The following CEPT1 variants were observed in gnomAD, a reference collection of about 807,000 sequenced individuals.
CEPT1 encodes choline/ethanolaminephosphotransferase 1.
A neutral mutation model predicts 42.6 loss-of-function variants in CEPT1; 7 were observed. The observed-to-expected ratio is 0.16, with a 90% CI of 0.09 to 0.31. The LOEUF is 0.31. Ranked by LOEUF, CEPT1 falls within the 10% of genes least tolerant of loss-of-function variation. CEPT1 has a pLI of 1.00. For synonymous variants in CEPT1, 171 were observed against 171.9 expected (o/e 0.99, Z 0.04); for missense variants, 306 against 502.1 (o/e 0.61, Z 3.73).
chr1:111,158,977 A>G (rs866961040), intron 2 of CEPT1, among the ~76,000 whole-genome samples: 80 of 123,912 alleles, frequency 6.5e-4, no homozygotes, highest in African/African-American at 1.7e-3. Flanking sequence ...GCAGTGGCGC[A>G]ATCTCGGCTC....
intron 1 of CEPT1, among the ~76,000 whole-genome samples, chr1:111,145,395 C>T (rs1247577083): frequency 6.6e-6 from 1 of 152,298 alleles, no homozygotes; most frequent in East Asian, 1.9e-4. Context: ...TATTTAAGGG[C>T]ATTAACTTGA....
At position 111,183,383 on chromosome 1, in the gene CEPT1, C is replaced by T; in HGVS notation, c.1006-79C>T. The T allele has an allele frequency of 2.0e-6, 3 of 1,474,026 alleles. No individual in the cohort carries two copies. In the African/African-American group the frequency reaches 4.2e-5, roughly 21 times the overall value. 91.3% of individuals were successfully genotyped at this position (1,474,026 alleles called of 1,614,324 possible). On this transcript the variant is annotated intron_variant, in intron 7 of 8. Coordinates refer to ENST00000357172, the MANE Select transcript of CEPT1 (RefSeq NM_006090.5). ...CTAAATAATTATTGGAAGTTGATAT[C>T]TGAGCACAATATGATTTACTGTGTA... is the stretch of plus-strand genomic sequence containing the variant.
intron 2 of CEPT1, among the ~76,000 whole-genome samples, chr1:111,153,299 C>G (rs1655386328): frequency 6.6e-6 from 1 of 152,158 alleles, no homozygotes; most frequent in African/African-American, 2.4e-5. Context: ...ACCTCCGCCT[C>G]CCAGGTTCAA....
chr1:111,147,982 A>G lies in CEPT1; in HGVS notation c.268A>G (p.Ile90Val), dbSNP rs750038817. 7.4e-6 allele frequency: 12 copies of G among 1,614,056 alleles called. No homozygotes were observed. The highest frequency in any genetic ancestry group is 8.5e-6 in the Non-Finnish European group (10 of 1,180,018). The change falls in exon 2 of 9, where the codon ATC (isoleucine) becomes GTC (valine). Residue 90 changes from isoleucine to valine, a missense_variant. Transcript: ENST00000357172. ...CTGGATTGCCCCAAATCTCATCACC[A>G]TCATTGGACTGTCAATAAACATCTG... is the stretch of plus-strand genomic sequence containing the variant. The part of the protein sequence containing the change: ...PSWIAPNLIT[I>V]IGLSINICTT...
chr1:111,144,852 A>G (rs1202491368), intron 1 of CEPT1, among the ~76,000 whole-genome samples: 1 of 152,192 alleles, frequency 6.6e-6, no homozygotes, highest in Non-Finnish European at 1.5e-5. Flanking sequence ...ATTCGTGGTT[A>G]TTGGTCTCTC....
chr1:111,177,868 T>C (rs759246685), intron 5 of CEPT1, among the ~76,000 whole-genome samples: 2 of 152,196 alleles, frequency 1.3e-5, no homozygotes, highest in African/African-American at 2.4e-5. Flanking sequence ...CTTCATCCTA[T>C]TGTTAGCACT....
At position 111,160,969 on chromosome 1, in the gene CEPT1, A is replaced by G. The variant is rs181815696; in HGVS notation, c.488-186A>G. 1,724 of 615,598 alleles carry G rather than the reference A, an allele frequency of 2.8e-3. 14 individuals carry two copies. The highest frequency in any genetic ancestry group is 0.016 in the African/African-American group (845 of 52,934). The allele number at this position is 615,598 out of a possible 1,614,324, so 38.1% of individuals were successfully genotyped here. A position where few individuals can be genotyped will look rare whatever the true frequency, so the allele number is the denominator to read the frequency against. ...GTGATTTGGTAAAAAAAAAAAAAAA[A>G]AGAGAGATTGAAATTATGGGGTAAG... On this transcript the variant is annotated intron_variant, in intron 3 of 8. Coordinates refer to ENST00000357172, the MANE Select transcript of CEPT1 (RefSeq NM_006090.5).
intron 5 of CEPT1, among the ~76,000 whole-genome samples, chr1:111,176,390 C>T (rs1571152931): frequency 2.6e-5 from 4 of 152,190 alleles, no homozygotes; most frequent in Admixed American, 2.6e-4. Context: ...AGCTTACCCC[C>T]ATTCCTAAAG....
intron 4 of CEPT1, chr1:111,167,008 C>A: frequency 2.5e-6 from 1 of 402,078 alleles, no homozygotes; most frequent in Non-Finnish European, 3.4e-6. Context: ...AAGAAGAATG[C>A]TACTTTTTAA....
intron 5 of CEPT1, chr1:111,178,441 ATTG>A (rs889435453): frequency 6.7e-6 from 1 of 150,136 alleles, no homozygotes; most frequent in Non-Finnish European, 1.5e-5. Context: ...GATTATAGTT[ATTG>A]TTGTTGTTGT....
At chr1:111,146,636 T>C (rs1005745167) in intron 1 of CEPT1, among the ~76,000 whole-genome samples, 2 of 152,202 alleles carry the variant, frequency 1.3e-5, no homozygotes, top group African/African-American at 4.8e-5. Flanking sequence ...AATTGTTCTA[T>C]TTTCTCCATT....
Position 111,161,146 on chromosome 1 carries a change from C to A in CEPT1, c.488-9C>A. ...TTATTTGGTTTTCATCGTGATCTTT[C>A]TTCTGCAGTTTTTGTGGTTCTTGGA... On this transcript the variant is annotated splice_polypyrimidine_tract_variant and intron_variant, in intron 3 of 8. Transcript: ENST00000357172. The A allele has an allele frequency of 6.2e-7, 1 of 1,613,870 alleles. No individual in the cohort carries two copies. Among genetic ancestry groups the A allele is most frequent in the Non-Finnish European group, 8.5e-7 (1 of 1,179,888 alleles).
intron 1 of CEPT1, 175 bp downstream of exon 1, chr1:111,140,482 G>T (rs2101189002): frequency 6.5e-6 from 1 of 152,696 alleles, no homozygotes; most frequent in African/African-American, 2.4e-5. Flanking sequence ...GCGCGGGGTT[G>T]TGGGGAGGCG....
At chr1:111,141,160 TAAAG>T (rs1654516727) in intron 1 of CEPT1, among the ~76,000 whole-genome samples, 7 of 152,214 alleles carry the variant, frequency 4.6e-5, no homozygotes, top group African/African-American at 1.4e-4. Context: ...GGACAAAGAA[TAAAG>T]ATTTATTTCC....
At chr1:111,159,210 C>T (rs1027256466) in intron 2 of CEPT1, among the ~76,000 whole-genome samples, 170 bp from the exon 3 acceptor site, 4 of 150,122 alleles carry the variant, frequency 2.7e-5, no homozygotes, top group East Asian at 1.9e-4. Flanking sequence ...CCACCGCGCC[C>T]GGCATTCTTT....
At chr1:111,175,469 T>A (rs1656628318) in intron 5 of CEPT1, among the ~76,000 whole-genome samples, 1 of 152,200 alleles carries the variant, frequency 6.6e-6, no homozygotes. Context: ...TAGTCACTCT[T>A]ACAAACACAG....
intron 8 of CEPT1, 86 bp from the exon 9 acceptor site, chr1:111,184,105 A>T: frequency 7.5e-7 from 1 of 1,331,662 alleles, no homozygotes; most frequent in Non-Finnish European, 1.0e-6. Flanking sequence ...GTGAATCTGT[A>T]GAGAGAACAG....
chr1:111,154,204 ATTTTATTTTATTTTATTTTATTTTATTTT>A (rs1655438994), intron 2 of CEPT1, among the ~76,000 whole-genome samples: 1 of 87,964 alleles, frequency 1.1e-5, no homozygotes, highest in Non-Finnish European at 2.1e-5. Flanking sequence ...ATTTTATTTT[ATTTTATTTTATTTTATTTTATTTTATTTT>A]ATTTTATTTT....
Position 111,145,846 on chromosome 1 carries a change from G to A in CEPT1, c.-73-1796G>A, listed in dbSNP as rs372882961. ...GCTGCCTCCCCTCCACCCCAGACAGGGGGGAACCTGCCACTCTCAGGACCA... is the reference window on the plus strand; with the variant it reads ...GCTGCCTCCCCTCCACCCCAGACAGAGGGGAACCTGCCACTCTCAGGACCA... On this transcript the variant is annotated intron_variant, in intron 1 of 8. Coordinates refer to ENST00000357172, the MANE Select transcript of CEPT1 (RefSeq NM_006090.5). 2.6e-5 allele frequency among the ~76,000 whole-genome samples: 4 copies of A among 151,982 alleles called. No individual in the cohort carries two copies. In the South Asian group the frequency reaches 8.3e-4, roughly 31 times the overall value.
Sources: allele counts gnomAD v4.1 joint callset (sites outside exome capture counted in the v4.1 genomes callset), GRCh38; gene constraint gnomAD v4.1.1; transcripts MANE v1.5; gene names NCBI Gene and HGNC (gene_info 2026-07-23, HGNC 2026-07-21).